Variants in CEP89 observed in about 807,000 individuals in gnomAD.
The protein encoded by CEP89 is centrosomal protein 89, also known as centrosomal protein of 89 kDa.
A neutral mutation model predicts 97.6 loss-of-function variants in CEP89; 95 were observed. The observed-to-expected ratio is 0.97, with a 90% confidence interval of 0.82 to 1.15. The LOEUF is 1.15. Among genes scored for constraint, CEP89 ranks in the 50% most tolerant of loss-of-function variants. CEP89 has a pLI of 0.00. For missense variants in CEP89, 869 were observed against 947.7 expected (o/e 0.92, Z 1.09); for synonymous variants, 354 against 349.1 (o/e 1.01, Z -0.16).
chr19:32,958,278 A>G (rs1410900608), intron 3 of CEP89, among the ~76,000 whole-genome samples: 4 of 152,202 alleles, frequency 2.6e-5, no homozygotes, highest in Non-Finnish European at 5.9e-5. Flanking sequence ...AAGTATTTAT[A>G]TAATACTAAT....
At chr19:32,912,541 T>A (rs1346233331) in intron 14 of CEP89, among the ~76,000 whole-genome samples, 1 of 152,140 alleles carries the variant, frequency 6.6e-6, no homozygotes, top group African/African-American at 2.4e-5. Flanking sequence ...CCCCCACAAT[T>A]GTGTGAGCCA....
chr19:32,901,788 C>A (rs924489946), intron 14 of CEP89, among the ~76,000 whole-genome samples: 1 of 152,068 alleles, frequency 6.6e-6, no homozygotes, highest in Non-Finnish European at 1.5e-5. Context: ...TGATACCTGG[C>A]TAATTTTTGT....
intron 16 of CEP89, among the ~76,000 whole-genome samples, chr19:32,891,809 A>AAG (rs1245897524): frequency 1.4e-5 from 2 of 145,958 alleles, no homozygotes; most frequent in African/African-American, 2.7e-5. Flanking sequence ...AGTGAGATGA[A>AAG]AGAGAGAGAG....
rs1971129431 is a variant in CEP89 at position 32,959,922 on chromosome 19, T to C, written c.283A>G (p.Thr95Ala). The C allele has an allele frequency of 6.2e-7, 1 of 1,614,190 alleles. No individual in the cohort carries two copies. Among genetic ancestry groups the C allele is most frequent in the Non-Finnish European group, 8.5e-7 (1 of 1,180,040 alleles). Reference protein sequence around the residue: ...EQDSFIEPYATTSQLRPRPNW... With the variant: ...EQDSFIEPYAATSQLRPRPNW... ...TACCGAGGCCTCAGCTGTGAGGTGG[T>C]GGCATAGGGCTCGATGAAGCTGTCC... is the stretch of plus-strand genomic sequence containing the variant. Residue 95 changes from threonine (T) to alanine (A), a missense_variant, in exon 3 of 19, where the codon ACC (threonine) becomes GCC (alanine). Transcript: ENST00000305768.
chr19:32,890,794 G>A (rs931541843), intron 16 of CEP89, among the ~76,000 whole-genome samples: 1 of 152,140 alleles, frequency 6.6e-6, no homozygotes, highest in Non-Finnish European at 1.5e-5. Context: ...TGACCCCACT[G>A]CTCCAGAGCG....
At chr19:32,970,152 C>T (rs943836184) in intron 1 of CEP89, 1 of 152,290 alleles carries the variant, frequency 6.6e-6, no homozygotes, top group African/African-American at 2.4e-5. Context: ...CTTCTGCACC[C>T]AGAATTCTTT....
chr19:32,918,866 TTTTTTC>T (rs1464392127), intron 12 of CEP89, among the ~76,000 whole-genome samples: 4 of 145,280 alleles, frequency 2.8e-5, no homozygotes, highest in South Asian at 4.2e-4. Context: ...TTCTTTTTTC[TTTTTTC>T]TTTTTCTTTT....
intron 9 of CEP89, chr19:32,931,147 C>T: frequency 2.5e-6 from 1 of 405,122 alleles, no homozygotes; most frequent in Non-Finnish European, 4.3e-6. Flanking sequence ...GCCTCAGCCT[C>T]TGAAAGTGCT....
Position 32,915,536 on chromosome 19 carries a change from A to G in CEP89, c.1385-19T>C, listed in dbSNP as rs7246178. ...TTAGAAACTGAAAATCAAAAGAGGA[A>G]GATAAAAACTTGGCACAGAAGACCT... On this transcript the variant is annotated intron_variant, in intron 13 of 18. Transcript: ENST00000305768. 1,396,728 of 1,600,782 alleles carry G rather than the reference A, an allele frequency of 0.87. 610,552 individuals carry two copies. The highest frequency in any genetic ancestry group is 0.98 in the African/African-American group (72,474 of 74,132).
intron 13 of CEP89, chr19:32,917,813 T>TGAAG: frequency 1.0e-6 from 1 of 984,770 alleles, no homozygotes; most frequent in Non-Finnish European, 1.2e-6. Flanking sequence ...CCCGCAGCTC[T>TGAAG]GAAGGAAGGA....
intron 7 of CEP89, chr19:32,937,386 A>C: frequency 6.6e-6 from 3 of 451,550 alleles, no homozygotes; most frequent in Non-Finnish European, 1.2e-5. Context: ...TTCCCCCAGG[A>C]TCCCAGCATA....
intron 16 of CEP89, among the ~76,000 whole-genome samples, chr19:32,896,824 C>T (rs1969653383): frequency 6.7e-6 from 1 of 150,138 alleles, no homozygotes; most frequent in African/African-American, 2.4e-5. Context: ...AACAAACAAA[C>T]AAACAAAACC....
intron 8 of CEP89, among the ~76,000 whole-genome samples, 153 bp from the exon 9 acceptor site, chr19:32,931,724 G>A (rs995650610): frequency 6.6e-6 from 1 of 152,144 alleles, no homozygotes; most frequent in Non-Finnish European, 1.5e-5. Context: ...ATGTGTGTCT[G>A]TGTGTGTGAA....
intron 2 of CEP89, among the ~76,000 whole-genome samples, chr19:32,962,749 A>G (rs1168926569): frequency 1.3e-5 from 2 of 152,208 alleles, no homozygotes; most frequent in African/African-American, 4.8e-5. Context: ...TTGATACTAT[A>G]TAATGAACCC....
intron 9 of CEP89, 147 bp from the exon 10 acceptor site, chr19:32,927,131 CCCAT>C (rs75760372): frequency 0.41 from 245,680 of 595,850 alleles, 50,863 homozygotes; most frequent in East Asian, 0.6. Context: ...TACCCACCTA[CCCAT>C]CCATCCATCC....
At chr19:32,923,609 G>T in intron 11 of CEP89, 67 bp from the exon 12 acceptor site, 1 of 1,027,030 alleles carries the variant, frequency 9.7e-7, no homozygotes, top group Non-Finnish European at 1.5e-6. Flanking sequence ...CAGTTCTGGT[G>T]CTGCTGCTGT....
At chr19:32,945,718 G>C (rs1001424485) in intron 5 of CEP89, among the ~76,000 whole-genome samples, 12 of 152,226 alleles carry the variant, frequency 7.9e-5, no homozygotes, top group Admixed American at 4.6e-4. Context: ...ACCCAGGCTG[G>C]ATTCGAACTC....
At chr19:32,956,678 T>A (rs886612577) in intron 3 of CEP89, among the ~76,000 whole-genome samples, 13 of 152,160 alleles carry the variant, frequency 8.5e-5, no homozygotes, top group Non-Finnish European at 1.2e-4. Flanking sequence ...CCATTCCAAT[T>A]TGAAATTACT....
rs927191727 is a variant in CEP89, at chr19:32,910,216, G to A, written c.1565+5121C>T. Among the ~76,000 whole-genome samples, 7 of 151,364 alleles carry A rather than the reference G, an allele frequency of 4.6e-5. 1 individual carries two copies. In the South Asian group the frequency reaches 6.3e-4, roughly 14 times the overall value. On this transcript the variant is annotated intron_variant, in intron 14 of 18. Transcript: ENST00000305768. ...GCAGAGGTTGTAGTGAGCTGAGATC[G>A]TGCCACTGCACTATTCCAGCCCCTG...
Sources: allele counts gnomAD v4.1 joint callset (sites outside exome capture counted in the v4.1 genomes callset), GRCh38; gene constraint gnomAD v4.1.1; transcripts MANE v1.5; gene names NCBI Gene and HGNC (gene_info 2026-07-23, HGNC 2026-07-21).